Variants in FAM163A observed in about 807,000 individuals in gnomAD.
FAM163A encodes protein FAM163A.
Under a neutral mutation model 12.0 loss-of-function variants are expected in FAM163A, and 7 were observed. The ratio of observed to expected loss-of-function variants is 0.58; its 90% CI spans 0.33 to 1.10. The LOEUF is 1.10. Among genes scored for constraint, FAM163A ranks in the 50% least tolerant of loss-of-function variants. The pLI is 0.03. For synonymous variants in FAM163A, 101 were observed against 91.0 expected (o/e 1.11, Z -0.62); for missense variants, 202 against 218.6 (o/e 0.92, Z 0.48).
At position 179,779,696 on chromosome 1, in the gene FAM163A, A is replaced by G. The variant is rs188487903; in HGVS notation, c.-135-28102A>G. ...TATCGGCTCATATGGGCTTTTTACT[A>G]TCTTACTGTAGATAAACAGATTTAT... On this transcript the variant is annotated intron_variant, in intron 1 of 4. Coordinates refer to ENST00000341785, the MANE Select transcript of FAM163A (RefSeq NM_173509.3). Among the ~76,000 whole-genome samples, 10 of 152,222 alleles carry G rather than the reference A, an allele frequency of 6.6e-5. No individual in the cohort carries two copies. The East Asian group carries it at 1.7e-3, about 26-fold the overall frequency.
chr1:179,810,561 G>A (rs1380540649), intron 2 of FAM163A, among the ~76,000 whole-genome samples: 1 of 152,138 alleles, frequency 6.6e-6, no homozygotes, highest in East Asian at 1.9e-4. Context: ...TTGTCTACTG[G>A]ATAAGCTTTC....
intron 1 of FAM163A, among the ~76,000 whole-genome samples, chr1:179,749,116 G>A (rs1263027483): frequency 3.3e-5 from 5 of 152,230 alleles, no homozygotes; most frequent in Non-Finnish European, 7.3e-5. Flanking sequence ...TGCTGGTGAT[G>A]AGGATTCGAG....
intron 1 of FAM163A, among the ~76,000 whole-genome samples, chr1:179,757,387 G>T (rs1241027261): frequency 6.6e-6 from 1 of 152,214 alleles, no homozygotes; most frequent in Non-Finnish European, 1.5e-5. Context: ...TTTAGACATG[G>T]AGTGGAGAGA....
Position 179,752,201 on chromosome 1 carries a change from G to C in FAM163A, c.-136+8778G>C, listed in dbSNP as rs145821859. The stretch of plus-strand genomic sequence containing the variant: ...TGCCAAGAATACGCAAAGTGGAAAG[G>C]ATAGTCTCTTCAACAAATAGTGTTA... On this transcript the variant is annotated intron_variant, in intron 1 of 4. Coordinates refer to ENST00000341785, the MANE Select transcript of FAM163A (RefSeq NM_173509.3). Among the ~76,000 whole-genome samples, 495 of 152,222 alleles carry C rather than the reference G, an allele frequency of 3.3e-3. 3 individuals carry two copies. Among genetic ancestry groups the C allele is most frequent in the African/African-American group, 0.011 (443 of 41,556 alleles).
chr1:179,785,373 C>A (rs1054436150), intron 1 of FAM163A, among the ~76,000 whole-genome samples: 27 of 152,224 alleles, frequency 1.8e-4, no homozygotes, highest in African/African-American at 5.8e-4. Context: ...ACACCCACAT[C>A]TTCCAACTGA....
At chr1:179,746,769 C>A (rs890548586) in intron 1 of FAM163A, among the ~76,000 whole-genome samples, 2 of 152,162 alleles carry the variant, frequency 1.3e-5, no homozygotes, top group African/African-American at 2.4e-5. Flanking sequence ...TACCCCACCC[C>A]CTTTTGGTTG....
intron 1 of FAM163A, among the ~76,000 whole-genome samples, chr1:179,807,492 C>G (rs924848547): frequency 3.9e-5 from 6 of 152,190 alleles, no homozygotes; most frequent in African/African-American, 1.4e-4. Flanking sequence ...AGCGCCCTGC[C>G]CCACTCGCCG....
chr1:179,775,870 ACT>A (rs1241614834), intron 1 of FAM163A, among the ~76,000 whole-genome samples: 1 of 152,102 alleles, frequency 6.6e-6, no homozygotes, highest in Non-Finnish European at 1.5e-5. Flanking sequence ...TTGTGAAGTA[ACT>A]CTGTTGAGGT....
chr1:179,777,733 C>T (rs1323500388), intron 1 of FAM163A, among the ~76,000 whole-genome samples: 2 of 152,208 alleles, frequency 1.3e-5, no homozygotes, highest in Non-Finnish European at 2.9e-5. Flanking sequence ...TAGCTCTCAG[C>T]CTCCCCTTTA....
chr1:179,760,067 T>G (rs1050700486), intron 1 of FAM163A, among the ~76,000 whole-genome samples: 1 of 152,146 alleles, frequency 6.6e-6, no homozygotes, highest in African/African-American at 2.4e-5. Context: ...TCATGTTTTA[T>G]AAAGATCATC....
the FAM163A span, among the ~76,000 whole-genome samples, chr1:179,736,880 C>T: frequency 6.6e-6 from 1 of 151,958 alleles, no homozygotes; most frequent in African/African-American, 2.4e-5. Context: ...GAAATTGGAA[C>T]CTTTGTACAC....
intron 1 of FAM163A, among the ~76,000 whole-genome samples, chr1:179,745,656 T>C (rs573494956): frequency 2.0e-5 from 3 of 152,350 alleles, no homozygotes; most frequent in Non-Finnish European, 4.4e-5. Flanking sequence ...TTAACATTAA[T>C]GAAAGTTGCT....
intron 1 of FAM163A, among the ~76,000 whole-genome samples, chr1:179,758,857 C>T (rs1196765719): frequency 6.6e-6 from 1 of 152,226 alleles, no homozygotes; most frequent in Non-Finnish European, 1.5e-5. Flanking sequence ...GAGATAATGG[C>T]TAGCACAGCA....
rs1178572259 is a variant in FAM163A at position 179,814,324 on chromosome 1, T to C, written c.*135T>C. Reference sequence around the variant, plus strand: ...GCTTTTCTCGCTCCGCAGTGGAGGGTTTACTAGGATTTAAGCTTTTGAGTG... The same window carrying C: ...GCTTTTCTCGCTCCGCAGTGGAGGGCTTACTAGGATTTAAGCTTTTGAGTG... On this transcript the variant is annotated 3_prime_UTR_variant, in exon 5 of 5. Transcript: ENST00000341785. The C allele has an allele frequency of 8.4e-7, 1 of 1,185,098 alleles. No homozygotes were observed. The highest frequency in any genetic ancestry group is 2.9e-5 in the Admixed American group (1 of 34,044). 73.4% of individuals were successfully genotyped at this position (1,185,098 alleles called of 1,614,324 possible). A position where few individuals can be genotyped will look rare whatever the true frequency, so the allele number is the denominator to read the frequency against.
intron 1 of FAM163A, among the ~76,000 whole-genome samples, chr1:179,801,144 C>T (rs886848457): frequency 1.3e-5 from 2 of 152,096 alleles, no homozygotes; most frequent in African/African-American, 2.4e-5. Flanking sequence ...ATTGGATTGC[C>T]ACAGAGAAGA....
chr1:179,732,394 G>A, the FAM163A span, among the ~76,000 whole-genome samples: 1 of 152,102 alleles, frequency 6.6e-6, no homozygotes, highest in Admixed American at 6.5e-5. Flanking sequence ...TTTCAGTGTG[G>A]GCACTGTTAC....
chr1:179,753,157 A>G (rs887088860), intron 1 of FAM163A, among the ~76,000 whole-genome samples: 6 of 152,182 alleles, frequency 3.9e-5, no homozygotes, highest in East Asian at 1.9e-4. Context: ...AATTCCTGCT[A>G]TTTGCAACAC....
chr1:179,762,970 T>C (rs1687013281), intron 1 of FAM163A, among the ~76,000 whole-genome samples: 1 of 152,084 alleles, frequency 6.6e-6, no homozygotes, highest in African/African-American at 2.4e-5. Flanking sequence ...GAAAAACAAA[T>C]AGAAATTTGT....
intron 2 of FAM163A, among the ~76,000 whole-genome samples, chr1:179,811,197 A>C (rs1694656816): frequency 6.6e-6 from 1 of 152,196 alleles, no homozygotes; most frequent in Non-Finnish European, 1.5e-5. Flanking sequence ...TGGGCAGATA[A>C]ATGTATCCTG....
Sources: allele counts gnomAD v4.1 joint callset (sites outside exome capture counted in the v4.1 genomes callset), GRCh38; gene constraint gnomAD v4.1.1; transcripts MANE v1.5; gene names NCBI Gene and HGNC (gene_info 2026-07-23, HGNC 2026-07-21).